The following HIP1 variants were observed in gnomAD, a reference collection of about 807,000 sequenced individuals.
HIP1 encodes the protein huntingtin interacting protein 1, also known as huntingtin-interacting protein 1.
In HIP1, 65 loss-of-function variants were observed where a neutral mutation model predicts 147.6. That is an observed-to-expected ratio of 0.44 (90% CI 0.36 to 0.54). The LOEUF (loss-of-function observed/expected upper bound fraction) is 0.54. Ranked by LOEUF, HIP1 falls within the 20% of genes least tolerant of loss-of-function variation. The pLI is 0.00. For synonymous variants in HIP1, 479 were observed against 504.0 expected (o/e 0.95, Z 0.67); for missense variants, 1,061 against 1,299.6 (o/e 0.82, Z 2.82).
chr7:75,558,040 C>A, intron 15 of HIP1, 127 bp downstream of exon 15: 1 of 767,066 alleles, frequency 1.3e-6, no homozygotes, highest in East Asian at 2.6e-5. Flanking sequence ...GTGTGGTTCC[C>A]GAGATGACGG....
chr7:75,592,492 A>T lies in HIP1; in HGVS notation c.207T>A (p.His69Gln). Residue 69 changes from histidine to glutamine, a missense_variant, in exon 3 of 31, where the codon CAT becomes CAA. Coordinates refer to ENST00000336926, the MANE Select transcript of HIP1 (RefSeq NM_005338.7). Reference sequence around the variant, plus strand: ...ACCAGAAGGTCTGTGCCCCTTTCTCATGGTGGGTGCCCAGTATGCACGGTG... The same window carrying T: ...ACCAGAAGGTCTGTGCCCCTTTCTCTTGGTGGGTGCCCAGTATGCACGGTG... ...HARTCILGTHHEKGAQTFWSV... is the reference protein window; with the variant it reads ...HARTCILGTHQEKGAQTFWSV... The T allele has an allele frequency of 5.0e-6, 8 of 1,610,740 alleles. No homozygotes were observed. Among genetic ancestry groups the T allele is most frequent in the Non-Finnish European group, 6.8e-6 (8 of 1,179,102 alleles).
intron 1 of HIP1, among the ~76,000 whole-genome samples, chr7:75,716,280 T>A (rs1801315907): frequency 6.6e-6 from 1 of 151,880 alleles, no homozygotes; most frequent in African/African-American, 2.4e-5. Context: ...CAGGCTGGAG[T>A]GCAGTAGTAC....
At position 75,556,143 on chromosome 7, in the gene HIP1, G is replaced by A. The variant is rs1275626931; in HGVS notation, c.1710C>T (p.Phe570=). The change falls in exon 18 of 31, where the codon TTC becomes TTT. Residue 570 remains phenylalanine (F), a synonymous_variant. Coordinates refer to ENST00000336926, the MANE Select transcript of HIP1 (RefSeq NM_005338.7). ...AQSEANWAAE[F]AELEKERDSL... Reference sequence around the variant, plus strand: ...TGTCCCGCTCCTTCTCTAGCTCGGCGAACTCGGCTGCCCAGTTTGCTTCTG... The same window carrying A: ...TGTCCCGCTCCTTCTCTAGCTCGGCAAACTCGGCTGCCCAGTTTGCTTCTG... The A allele has an allele frequency of 5.6e-6, 9 of 1,613,958 alleles. No individual in the cohort carries two copies. Among genetic ancestry groups the A allele is most frequent in the East Asian group, 2.2e-5 (1 of 44,886 alleles).
chr7:75,582,147 G>C lies in HIP1; in HGVS notation c.470C>G (p.Pro157Arg). Residue 157 changes from proline (P) to arginine (R), a missense_variant, in exon 6 of 31, where the codon CCC becomes CGC. Around this residue, in one of 3 missense-constraint regions of HIP1, gnomAD observed 225 missense variants for 292.9 expected, o/e 0.77. Transcript: ENST00000336926. ...CATCTGCAGGTTGCCTGGGAACCTG[G>C]GATTCTGGAAGGGAGGCAGAGGAAG... is the stretch of plus-strand genomic sequence containing the variant. ...RTKMEYHTKN[P>R]RFPGNLQMSD... The C allele has an allele frequency of 3.1e-6, 5 of 1,613,438 alleles. No individual in the cohort carries two copies. The highest frequency in any genetic ancestry group is 4.2e-6 in the Non-Finnish European group (5 of 1,179,514).
intron 14 of HIP1, 95 bp downstream of exon 14, chr7:75,559,637 C>G (rs1795146818): frequency 9.9e-7 from 1 of 1,010,950 alleles, no homozygotes; most frequent in East Asian, 2.6e-5. Context: ...TCTGGGTCTC[C>G]CCCACCCAGC....
intron 1 of HIP1, among the ~76,000 whole-genome samples, chr7:75,663,551 A>G (rs1244227793): frequency 1.3e-5 from 2 of 151,958 alleles, no homozygotes; most frequent in African/African-American, 4.8e-5. Context: ...GGACAGGAGC[A>G]GATCTGAGTT....
At chr7:75,615,700 G>C (rs1402600785) in intron 1 of HIP1, among the ~76,000 whole-genome samples, 16 of 152,144 alleles carry the variant, frequency 1.1e-4, no homozygotes, top group African/African-American at 3.6e-4. Flanking sequence ...TTGAGCCCAG[G>C]AGGTGGAGGT....
Position 75,573,904 on chromosome 7 carries a change from A to G in HIP1, c.605-3T>C, listed in dbSNP as rs782776439. On this transcript the variant is annotated splice_polypyrimidine_tract_variant and splice_region_variant and intron_variant, in intron 7 of 30. Coordinates refer to ENST00000336926, the MANE Select transcript of HIP1 (RefSeq NM_005338.7). Reference sequence around the variant, plus strand: ...GGACATGTCCAGGGAGTTGAATACTAGGAAATAAAAGTGAGGGAGAAAGGT... The same window carrying G: ...GGACATGTCCAGGGAGTTGAATACTGGGAAATAAAAGTGAGGGAGAAAGGT... The G allele has an allele frequency of 2.5e-6, 4 of 1,607,144 alleles. No individual in the cohort carries two copies. The African/African-American group carries it at 5.3e-5, about 21-fold the overall frequency.
chr7:75,569,387 T>C (rs1795527128), intron 8 of HIP1, among the ~76,000 whole-genome samples: 2 of 152,048 alleles, frequency 1.3e-5, no homozygotes, highest in Admixed American at 6.6e-5. Context: ...GAGCATCGCT[T>C]GTACCCAGGA....
chr7:75,598,069 G>C (rs1554502311), intron 2 of HIP1, among the ~76,000 whole-genome samples: 1 of 152,142 alleles, frequency 6.6e-6, no homozygotes. Context: ...TGTTCACGAA[G>C]GTAGAGAGCC....
chr7:75,582,152 C>G lies in HIP1; in HGVS notation c.466-1G>C. On this transcript the variant is annotated splice_acceptor_variant, in intron 5 of 30. Coordinates refer to ENST00000336926, the MANE Select transcript of HIP1 (RefSeq NM_005338.7). LOFTEE classifies it high-confidence loss of function. ...GCAGGTTGCCTGGGAACCTGGGATT[C>G]TGGAAGGGAGGCAGAGGAAGGGAGT... 1 of 1,613,490 alleles carries G rather than the reference C, an allele frequency of 6.2e-7. No homozygotes were observed. The highest frequency in any genetic ancestry group is 8.5e-7 in the Non-Finnish European group (1 of 1,179,600).
intron 29 of HIP1, among the ~76,000 whole-genome samples, chr7:75,540,765 C>T (rs1794277174): frequency 6.6e-6 from 1 of 152,002 alleles, no homozygotes; most frequent in Non-Finnish European, 1.5e-5. Flanking sequence ...CATAATATGA[C>T]TTTATAGAAC....
At chr7:75,588,408 A>G (rs1796360238) in intron 4 of HIP1, among the ~76,000 whole-genome samples, 1 of 152,196 alleles carries the variant, frequency 6.6e-6, no homozygotes. Flanking sequence ...CAAAACATAT[A>G]TGAGATGACT....
chr7:75,665,564 C>T (rs1243886175), intron 1 of HIP1, among the ~76,000 whole-genome samples: 2 of 147,992 alleles, frequency 1.4e-5, no homozygotes, highest in Middle Eastern at 3.2e-3. Flanking sequence ...TTTTTTGAGA[C>T]AGTCTCGCTC....
At chr7:75,676,776 CA>C (rs34920621) in intron 1 of HIP1, among the ~76,000 whole-genome samples, 84,388 of 148,628 alleles carry the variant, frequency 0.57, 24,237 homozygotes, top group African/African-American at 0.66. Context: ...AACTCCATCT[CA>C]AAGAAAAAAA....
chr7:75,564,077 A>G (rs1795324586), intron 9 of HIP1, among the ~76,000 whole-genome samples: 1 of 152,056 alleles, frequency 6.6e-6, no homozygotes, highest in African/African-American at 2.4e-5. Flanking sequence ...TTTTTGGTAG[A>G]AACAGGCTCT....
intron 1 of HIP1, among the ~76,000 whole-genome samples, chr7:75,629,929 C>A (rs887785417): frequency 9.2e-5 from 14 of 152,108 alleles, no homozygotes; most frequent in Non-Finnish European, 1.9e-4. Context: ...GAGGCCGAGG[C>A]AGGAGTATTG....
At chr7:75,639,050 C>T (rs1190285257) in intron 1 of HIP1, 1 of 983,192 alleles carries the variant, frequency 1.0e-6, no homozygotes, top group African/African-American at 1.7e-5. Context: ...CTCACACTTA[C>T]CATCTTGCTC....
chr7:75,660,860 C>G (rs1799289482), intron 1 of HIP1, among the ~76,000 whole-genome samples: 1 of 152,102 alleles, frequency 6.6e-6, no homozygotes, highest in African/African-American at 2.4e-5. Context: ...CTCTCTCCAT[C>G]TCTTTGTTTA....
Sources: allele counts gnomAD v4.1 joint callset (sites outside exome capture counted in the v4.1 genomes callset), GRCh38; gene constraint gnomAD v4.1.1; regional missense constraint gnomAD v4.1.1; transcripts MANE v1.5; gene names NCBI Gene and HGNC (gene_info 2026-07-23, HGNC 2026-07-21).